The following OVOL2 variants were observed in gnomAD, a reference collection of about 807,000 sequenced individuals.
The protein encoded by OVOL2 is transcription factor Ovo-like 2.
In OVOL2, 13 loss-of-function variants were observed where a neutral mutation model predicts 18.1. That is an observed-to-expected ratio of 0.72 (90% confidence interval 0.47 to 1.14). The LOEUF is 1.14. OVOL2 is among the 50% of genes most tolerant of loss of function. The probability of loss-of-function intolerance (pLI) is 0.00; values close to 1 mark genes in which losing one functional copy is unlikely to be tolerated. For synonymous variants in OVOL2, 166 were observed against 162.7 expected (o/e 1.02, Z -0.16); for missense variants, 335 against 383.0 (o/e 0.87, Z 1.05).
At chr20:18,029,076 C>T (rs1490351936) in intron 3 of OVOL2, among the ~76,000 whole-genome samples, 1 of 152,074 alleles carries the variant, frequency 6.6e-6, no homozygotes, top group African/African-American at 2.4e-5. Context: ...TCCCAGGCTG[C>T]AGTGCAGTGG....
At chr20:18,048,952 G>A (rs576019039) in intron 2 of OVOL2, among the ~76,000 whole-genome samples, 8 of 152,208 alleles carry the variant, frequency 5.3e-5, no homozygotes, top group South Asian at 2.1e-4. Flanking sequence ...AAGCTTAATC[G>A]TCTCACCCTT....
intron 2 of OVOL2, among the ~76,000 whole-genome samples, chr20:18,046,318 G>GA (rs1262063267): frequency 6.6e-6 from 1 of 152,134 alleles, no homozygotes; most frequent in Non-Finnish European, 1.5e-5. Context: ...AGGAACTTGT[G>GA]AAAAAACGGT....
At chr20:18,054,779 AAAAG>A (rs1271513153) in intron 2 of OVOL2, among the ~76,000 whole-genome samples, 8 of 135,768 alleles carry the variant, frequency 5.9e-5, no homozygotes, top group African/African-American at 8.6e-5. Flanking sequence ...AAAAAAAAAA[AAAAG>A]AAAGAAAAGA....
intron 3 of OVOL2, among the ~76,000 whole-genome samples, chr20:18,030,350 T>C (rs2036556935): frequency 6.6e-6 from 1 of 152,196 alleles, no homozygotes; most frequent in South Asian, 2.1e-4. Context: ...CACTAGTTAG[T>C]AGAAATAACC....
intron 3 of OVOL2, among the ~76,000 whole-genome samples, chr20:18,027,730 G>A (rs1021836311): frequency 1.4e-4 from 21 of 150,818 alleles, no homozygotes; most frequent in Non-Finnish European, 2.7e-4. Context: ...CGAGTAGCTG[G>A]GACTACAGGC....
At chr20:18,034,416 T>C (rs79217588) in intron 3 of OVOL2, among the ~76,000 whole-genome samples, 1,674 of 152,276 alleles carry the variant, frequency 0.011, 35 homozygotes, top group African/African-American at 0.038. Context: ...GCAAAACCCA[T>C]GCTCATCCTC....
At chr20:18,039,623 G>A (rs7262533) in intron 3 of OVOL2, among the ~76,000 whole-genome samples, 33,756 of 117,220 alleles carry the variant, frequency 0.29, 5,810 homozygotes, top group Non-Finnish European at 0.35. Context: ...AAAAAAAAAA[G>A]AAAGAAAGAA....
chr20:18,043,012 T>G (rs1290504892), intron 2 of OVOL2, among the ~76,000 whole-genome samples: 1 of 152,182 alleles, frequency 6.6e-6, no homozygotes, highest in Non-Finnish European at 1.5e-5. Context: ...CAAAATGGAC[T>G]AAGACAGCAT....
chr20:18,038,580 G>T (rs373211417), intron 3 of OVOL2, among the ~76,000 whole-genome samples: 12 of 152,268 alleles, frequency 7.9e-5, no homozygotes, highest in African/African-American at 2.9e-4. Flanking sequence ...AATCACAGGG[G>T]AGGCAAGGCC....
At chr20:18,033,078 TC>T (rs1388385662) in intron 3 of OVOL2, among the ~76,000 whole-genome samples, 11 of 152,330 alleles carry the variant, frequency 7.2e-5, no homozygotes, top group East Asian at 5.8e-4. Context: ...CTTGACTCTT[TC>T]TTCTCCATCT....
Position 18,024,354 on chromosome 20 carries a change from A to G in OVOL2, c.*282T>C, listed in dbSNP as rs78793362. On this transcript the variant is annotated 3_prime_UTR_variant, in exon 4 of 4. Transcript: ENST00000278780. ...TTCCGTGTGTGAAAATCCTTGGGGG[A>G]AAAAAAAATCCCACACGGTGTTCTT... The G allele has an allele frequency of 3.0e-3, 567 of 190,572 alleles. 4 individuals carry two copies. The highest frequency in any genetic ancestry group is 0.013 in the African/African-American group (494 of 37,778). The allele number at this position is 190,572 out of a possible 1,614,324, so 11.8% of individuals were successfully genotyped here.
At chr20:18,048,159 C>T (rs1279199518) in intron 2 of OVOL2, among the ~76,000 whole-genome samples, 2 of 148,958 alleles carry the variant, frequency 1.3e-5, no homozygotes, top group African/African-American at 2.5e-5. Flanking sequence ...TGGTGGTGCA[C>T]GCCTATAGTC....
In OVOL2 at chr20:18,056,338, G is replaced by C. The variant is rs2122731038; in HGVS notation, c.321+319C>G. Among the ~76,000 whole-genome samples, 1 of 152,376 alleles carries C rather than the reference G, an allele frequency of 6.6e-6. No individual in the cohort carries two copies. The highest frequency in any genetic ancestry group is 1.9e-4 in the East Asian group (1 of 5,176). On this transcript the variant is annotated intron_variant, in intron 2 of 3. Transcript: ENST00000278780. This position sits in a 1 kb window ranked among gnomAD's most constrained non-coding sequence, Gnocchi z 4.2. ...TCTACAGGCCTAGCGCACAGAACGG[G>C]CTGCTGGCGGAAGGCAGTGATGCCT...
intron 3 of OVOL2, among the ~76,000 whole-genome samples, chr20:18,036,321 A>AT (rs2036614477): frequency 6.6e-6 from 1 of 151,996 alleles, no homozygotes; most frequent in African/African-American, 2.4e-5. Flanking sequence ...AAAAATTGAG[A>AT]TTTTTACACC....
intron 3 of OVOL2, among the ~76,000 whole-genome samples, chr20:18,039,038 T>C (rs147191721): frequency 7.6e-4 from 116 of 152,276 alleles, no homozygotes; most frequent in East Asian, 2.7e-3. Context: ...AAAGCAGCCA[T>C]ATAACCAGAC....
intron 3 of OVOL2, among the ~76,000 whole-genome samples, chr20:18,032,245 GAAGGA>G (rs2036576561): frequency 6.6e-6 from 1 of 150,614 alleles, no homozygotes; most frequent in Non-Finnish European, 1.5e-5. Flanking sequence ...AGGAAGAAGG[GAAGGA>G]AAGAAGAGAG....
intron 3 of OVOL2, among the ~76,000 whole-genome samples, chr20:18,035,572 C>T (rs1020998482): frequency 6.6e-5 from 10 of 152,200 alleles, no homozygotes; most frequent in Non-Finnish European, 1.2e-4. Flanking sequence ...ATCTGAGAAA[C>T]CCACATTTTT....
intron 2 of OVOL2, chr20:18,050,558 T>G (rs2036763259): frequency 6.6e-6 from 1 of 152,204 alleles, no homozygotes; most frequent in South Asian, 2.1e-4. Flanking sequence ...AAAACCTACT[T>G]CACCTATATT....
intron 2 of OVOL2, among the ~76,000 whole-genome samples, chr20:18,051,545 T>C (rs767654175): frequency 2.0e-5 from 3 of 152,142 alleles, no homozygotes; most frequent in Non-Finnish European, 4.4e-5. Flanking sequence ...GTGCCTCTGA[T>C]GAAGACAGAT....
Sources: gnomAD v4.1 joint callset for allele counts (sites outside exome capture counted in the v4.1 genomes callset) on GRCh38, gnomAD v4.1.1 for gene constraint, Gnocchi (gnomAD v3.1) non-coding constraint, MANE v1.5 for transcripts, NCBI Gene and HGNC (gene_info 2026-07-23, HGNC 2026-07-21) for gene names.